The following IL1RAPL1 variants were observed in gnomAD, a reference collection of about 807,000 sequenced individuals.
The protein encoded by IL1RAPL1 is interleukin-1 receptor accessory protein-like 1.
A neutral mutation model predicts 48.4 loss-of-function variants in IL1RAPL1; 3 were observed. The observed-to-expected ratio is 0.06, with a 90% confidence interval of 0.03 to 0.16. The LOEUF is 0.16. Among genes scored for constraint, IL1RAPL1 ranks in the 10% least tolerant of loss-of-function variants. The pLI, the probability that IL1RAPL1 is intolerant of heterozygous loss-of-function variation, is 1.00. For missense variants in IL1RAPL1, 349 were observed against 530.6 expected, an observed-to-expected ratio of 0.66 and a Z score of 3.36; for synonymous variants, 185 against 187.7, an observed-to-expected ratio of 0.99 and a Z score of 0.12.
chrX:28,955,450 T>G (rs1242665733), intron 2 of IL1RAPL1, among the ~76,000 whole-genome samples: 1 of 111,121 alleles, frequency 9.0e-6, no homozygotes, highest in Non-Finnish European at 1.9e-5. Flanking sequence ...AAATTACTAA[T>G]CTTGTATAAG....
At chrX:28,960,654 A>C (rs1011988690) in intron 2 of IL1RAPL1, among the ~76,000 whole-genome samples, 1 of 111,610 alleles carries the variant, frequency 9.0e-6, no homozygotes, top group Non-Finnish European at 1.9e-5. Context: ...GAGTTCTCCA[A>C]AATTGTTTAG....
chrX:28,792,178 T>C (rs375880982), intron 2 of IL1RAPL1, among the ~76,000 whole-genome samples: 1 of 111,888 alleles, frequency 8.9e-6, no homozygotes, highest in East Asian at 2.8e-4. Flanking sequence ...CCAATGCTTT[T>C]CATGTGTCTT....
chrX:29,314,059 T>C, intron 3 of IL1RAPL1, among the ~76,000 whole-genome samples: 1 of 111,875 alleles, frequency 8.9e-6, no homozygotes, highest in East Asian at 2.8e-4. Context: ...GATTGTGGGA[T>C]TGAGTGCAAA....
intron 2 of IL1RAPL1, among the ~76,000 whole-genome samples, chrX:28,833,733 A>G (rs974405379): frequency 1.8e-5 from 2 of 112,132 alleles, no homozygotes; most frequent in African/African-American, 6.5e-5. Context: ...CATGTACAAC[A>G]TGTAACATAA....
At chrX:28,806,730 A>G (rs895827293) in intron 2 of IL1RAPL1, among the ~76,000 whole-genome samples, 4 of 111,605 alleles carry the variant, frequency 3.6e-5, no homozygotes, top group Non-Finnish European at 7.6e-5. Context: ...GTTTGTTTCA[A>G]AGGCATGTTT....
chrX:29,941,835 A>G (rs766344577), intron 9 of IL1RAPL1, 41 bp downstream of exon 9: 1 of 1,164,843 alleles, frequency 8.6e-7, no homozygotes, highest in Admixed American at 2.2e-5. Context: ...TGAATGTTCT[A>G]ATTTCTTTCT....
At chrX:28,652,336 G>A (rs929586262) in intron 1 of IL1RAPL1, among the ~76,000 whole-genome samples, 24 of 111,409 alleles carry the variant, frequency 2.2e-4, no homozygotes, top group African/African-American at 7.5e-4. Flanking sequence ...ATTGAAGAAT[G>A]TTCAGCCCAA....
chrX:29,442,406 C>T (rs1934558026), intron 5 of IL1RAPL1, among the ~76,000 whole-genome samples: 1 of 111,185 alleles, frequency 9.0e-6, no homozygotes, highest in South Asian at 3.8e-4. Flanking sequence ...GCAGTGTATA[C>T]TGCTCAGGTG....
At chrX:29,231,680 C>G (rs1184955777) in intron 2 of IL1RAPL1, among the ~76,000 whole-genome samples, 1 of 111,730 alleles carries the variant, frequency 9.0e-6, no homozygotes, top group African/African-American at 3.3e-5. Context: ...ACGCCTACCC[C>G]AGGTGATTCT....
Position 29,587,561 on chromosome X carries a change from A to G in IL1RAPL1, c.704-80869A>G, listed in dbSNP as rs147264109. Among the ~76,000 whole-genome samples, 931 of 112,191 alleles carry G rather than the reference A, an allele frequency of 8.3e-3. 11 individuals carry two copies. Among genetic ancestry groups the G allele is most frequent in the African/African-American group, 0.029 (891 of 30,940 alleles). Reference sequence around the variant, plus strand: ...GCAAAAAATAAGTTTGTGAGTTAATACATCTGTTAATAACTTGATTAGCCA... The same window carrying G: ...GCAAAAAATAAGTTTGTGAGTTAATGCATCTGTTAATAACTTGATTAGCCA... On this transcript the variant is annotated intron_variant, in intron 5 of 10. Transcript: ENST00000378993.
At position 29,845,705 on chromosome X, in the gene IL1RAPL1, T is replaced by C. The variant is rs1202573063; in HGVS notation, c.779-71759T>C. On this transcript the variant is annotated intron_variant, in intron 6 of 10. Transcript: ENST00000378993. ...GTATTAGGCCATTATCACATTGCTA[T>C]AAAGAAATACCTGAGAGTGGGTAGT... Among the ~76,000 whole-genome samples, 3 of 111,039 alleles carry C rather than the reference T, an allele frequency of 2.7e-5. No individual in the cohort carries two copies. The Admixed American group carries it at 2.9e-4, about 11-fold the overall frequency.
intron 6 of IL1RAPL1, among the ~76,000 whole-genome samples, chrX:29,811,118 G>C (rs1400225863): frequency 9.1e-6 from 1 of 110,070 alleles, no homozygotes; most frequent in African/African-American, 3.3e-5. Context: ...ACAGTCTAAC[G>C]TATAGTGACA....
rs191367948 is a variant in IL1RAPL1 at position 29,680,441 on chromosome X, G to A, written c.778+11937G>A. On this transcript the variant is annotated intron_variant, in intron 6 of 10. Transcript: ENST00000378993. ...TGAGATACAGATCTAAATTTTGGAC[G>A]GATCACTATGGCATTAGAGGTGAGG... Among the ~76,000 whole-genome samples the A allele has an allele frequency of 2.5e-4, 28 of 110,993 alleles. No individual in the cohort carries two copies. In the East Asian group the frequency reaches 4.8e-3, roughly 19 times the overall value.
chrX:28,784,681 GT>G (rs1029706792), intron 1 of IL1RAPL1, among the ~76,000 whole-genome samples: 1 of 111,376 alleles, frequency 9.0e-6, no homozygotes, highest in African/African-American at 3.3e-5. Flanking sequence ...AATAATCCAG[GT>G]TTTTCTGATT....
chrX:28,790,731 C>G (rs6630761), intron 2 of IL1RAPL1, among the ~76,000 whole-genome samples: 5,645 of 111,833 alleles, frequency 0.05, 284 homozygotes, highest in East Asian at 0.3. Context: ...AGATAAAACC[C>G]TAGGGCAGGA....
intron 2 of IL1RAPL1, among the ~76,000 whole-genome samples, chrX:29,183,232 A>T (rs1930181387): frequency 9.0e-6 from 1 of 110,916 alleles, no homozygotes; most frequent in Admixed American, 9.6e-5. Flanking sequence ...TCCTGTGGAG[A>T]TGTACTACTC....
chrX:29,303,889 T>A (rs1932576159), intron 3 of IL1RAPL1, among the ~76,000 whole-genome samples: 1 of 112,383 alleles, frequency 8.9e-6, no homozygotes, highest in South Asian at 3.7e-4. Flanking sequence ...AAGCTGCCTT[T>A]GTTAAAACAT....
intron 1 of IL1RAPL1, among the ~76,000 whole-genome samples, chrX:28,715,265 T>G (rs1935489588): frequency 1.8e-5 from 2 of 112,160 alleles, no homozygotes; most frequent in Admixed American, 1.9e-4. Flanking sequence ...TACAATTACA[T>G]GGAAACTGAA....
intron 2 of IL1RAPL1, among the ~76,000 whole-genome samples, chrX:28,953,796 A>G (rs763958883): frequency 5.4e-5 from 6 of 111,515 alleles, no homozygotes; most frequent in African/African-American, 1.6e-4. Context: ...TTTTAATGCC[A>G]GATCATTTAA....
Sources: gnomAD v4.1 joint callset for allele counts (sites outside exome capture counted in the v4.1 genomes callset) on GRCh38, gnomAD v4.1.1 for gene constraint, MANE v1.5 for transcripts, NCBI Gene and HGNC (gene_info 2026-07-23, HGNC 2026-07-21) for gene names.